The following RAB11FIP3 variants were observed in gnomAD, a reference collection of about 807,000 sequenced individuals.
RAB11FIP3 encodes the protein RAB11 family interacting protein 3.
In RAB11FIP3, 17 loss-of-function variants were observed where a neutral mutation model predicts 77.8. The observed-to-expected ratio is 0.22, with a 90% CI of 0.15 to 0.33. RAB11FIP3 has a LOEUF of 0.33. RAB11FIP3 is among the 10% of genes least tolerant of loss of function. The pLI, the probability that RAB11FIP3 is intolerant of heterozygous loss-of-function variation, is 1.00. For synonymous variants in RAB11FIP3, 437 were observed against 448.2 expected (o/e 0.98, Z 0.31); for missense variants, 1,005 against 1,011.2 (o/e 0.99, Z 0.08).
chr16:450,469 C>T (rs367817508), intron 1 of RAB11FIP3, among the ~76,000 whole-genome samples: 1 of 152,302 alleles, frequency 6.6e-6, no homozygotes. Flanking sequence ...TGTGACCCAC[C>T]ACGCCCAACC....
At chr16:491,358 C>CTCCTGGTCGCCTCG in intron 5 of RAB11FIP3, 1 of 1,216,616 alleles carries the variant, frequency 8.2e-7, no homozygotes, top group Non-Finnish European at 1.1e-6. Context: ...TGCCCCGAGG[C>CTCCTGGTCGCCTCG]GACCAGGAGC....
At position 447,348 on chromosome 16, in the gene RAB11FIP3, G is replaced by A. The variant is rs545764646; in HGVS notation, c.715-14056G>A. On this transcript the variant is annotated intron_variant, in intron 1 of 13. Transcript: ENST00000262305. ...GTCAGAGAGAGAGAGATGGCGTCTC[G>A]CTCTGTCACTCAGGCTGGAGTTCAG... Among the ~76,000 whole-genome samples, 22 of 152,068 alleles carry A rather than the reference G, an allele frequency of 1.4e-4. No individual in the cohort carries two copies. The South Asian group carries it at 3.1e-3, about 22-fold the overall frequency.
intron 6 of RAB11FIP3, 42 bp from the exon 7 acceptor site, chr16:502,962 G>A: frequency 6.7e-7 from 1 of 1,495,720 alleles, no homozygotes; most frequent in East Asian, 2.3e-5. Context: ...ATGTCCTGTG[G>A]TTTTTCCCTT....
chr16:518,440 G>A lies in RAB11FIP3; in HGVS notation c.1641-503G>A, dbSNP rs13332404. Among the ~76,000 whole-genome samples the A allele has an allele frequency of 3.7e-3, 569 of 152,174 alleles. 6 individuals are homozygous for A. Among genetic ancestry groups the A allele is most frequent in the African/African-American group, 0.013 (548 of 41,524 alleles). On this transcript the variant is annotated intron_variant, in intron 9 of 13. Transcript: ENST00000262305. The stretch of plus-strand genomic sequence containing the variant: ...CCCAAAGTATATTAAAAAAACCACC[G>A]TGGATGGCCGGCGGGGTGGCTCGCG...
intron 1 of RAB11FIP3, among the ~76,000 whole-genome samples, chr16:456,382 G>A (rs1028829733): frequency 9.2e-5 from 14 of 151,560 alleles, no homozygotes; most frequent in Admixed American, 6.6e-5. Flanking sequence ...AGAGGTTGCA[G>A]TGAGTTGAGA....
intron 1 of RAB11FIP3, among the ~76,000 whole-genome samples, chr16:441,747 A>G (rs1200253421): frequency 6.6e-6 from 1 of 152,214 alleles, no homozygotes; most frequent in Non-Finnish European, 1.5e-5. Flanking sequence ...TCTGTGACAT[A>G]ATAACAGCCT....
At chr16:512,639 G>A (rs530852383) in intron 9 of RAB11FIP3, among the ~76,000 whole-genome samples, 63 of 150,356 alleles carry the variant, frequency 4.2e-4, no homozygotes, top group African/African-American at 1.2e-3. Context: ...TGTCTCCTGC[G>A]TTCAAGCAAT....
chr16:469,649 C>T lies in RAB11FIP3; in HGVS notation c.809-1646C>T, dbSNP rs2141678266. Among the ~76,000 whole-genome samples, 2 of 152,252 alleles carry T rather than the reference C, an allele frequency of 1.3e-5. 1 individual carries two copies. The highest frequency in any genetic ancestry group is 4.1e-4 in the South Asian group (2 of 4,832). On this transcript the variant is annotated intron_variant, in intron 2 of 13. Coordinates refer to ENST00000262305, the MANE Select transcript of RAB11FIP3 (RefSeq NM_014700.4). ...AAGTGATCCGCCCGCCTCGGCCTCCCAAAGTGCTAGGATTACAGGCGTGAG... is the reference window on the plus strand; with the variant it reads ...AAGTGATCCGCCCGCCTCGGCCTCCTAAAGTGCTAGGATTACAGGCGTGAG...
intron 3 of RAB11FIP3, among the ~76,000 whole-genome samples, chr16:476,972 T>C (rs1254667196): frequency 4.0e-5 from 6 of 149,472 alleles, no homozygotes; most frequent in African/African-American, 1.2e-4. Flanking sequence ...GCCTGTAATC[T>C]CAGCTACTCA....
At chr16:509,774 C>T (rs1254276161) in intron 8 of RAB11FIP3, among the ~76,000 whole-genome samples, 1 of 152,220 alleles carries the variant, frequency 6.6e-6, no homozygotes, top group Non-Finnish European at 1.5e-5. Context: ...TGTGGCCCCT[C>T]ACAGCCTCTG....
At position 497,302 on chromosome 16, in the gene RAB11FIP3, A is replaced by T. The variant is rs751620179; in HGVS notation, c.1301+443A>T. ...TTCTTCATTTTCCAGCTTCGTATAGATCTGTTGGCTTCCTGCTGTGAAAGA... is the reference window on the plus strand; with the variant it reads ...TTCTTCATTTTCCAGCTTCGTATAGTTCTGTTGGCTTCCTGCTGTGAAAGA... On this transcript the variant is annotated intron_variant, in intron 6 of 13. Coordinates refer to ENST00000262305, the MANE Select transcript of RAB11FIP3 (RefSeq NM_014700.4). The T allele has an allele frequency of 2.3e-6, 3 of 1,304,250 alleles. No individual in the cohort carries two copies. The South Asian group carries it at 3.7e-5, about 16-fold the overall frequency. The allele number at this position is 1,304,250 out of a possible 1,614,324, so 80.8% of individuals were successfully genotyped here.
At chr16:482,869 C>CAGG in intron 4 of RAB11FIP3, 133 bp downstream of exon 4, 1 of 954,274 alleles carries the variant, frequency 1.0e-6, no homozygotes, top group Non-Finnish European at 1.5e-6. Flanking sequence ...GGGGCTTGGC[C>CAGG]CTGCAGTAGC....
At chr16:494,121 C>T (rs1280128732) in intron 5 of RAB11FIP3, among the ~76,000 whole-genome samples, 1 of 123,042 alleles carries the variant, frequency 8.1e-6, no homozygotes, top group African/African-American at 3.4e-5. Flanking sequence ...AATCTCCGGA[C>T]CTCGTGATCC....
At position 488,771 on chromosome 16, in the gene RAB11FIP3, T is replaced by G. The variant is rs538951900; in HGVS notation, c.1116-80T>G. 1.0e-4 allele frequency: 149 copies of G among 1,475,522 alleles called. No individual in the cohort carries two copies. In the African/African-American group the frequency reaches 2.0e-3, roughly 19 times the overall value. 91.4% of individuals were successfully genotyped at this position (1,475,522 alleles called of 1,614,324 possible). A position where few individuals can be genotyped will look rare whatever the true frequency, so the allele number is the denominator to read the frequency against. ...CACGTGTGGCTTGTAGCACACCCTA[T>G]GGAAAGCACCTTCCACACCCTCAGC... On this transcript the variant is annotated intron_variant, in intron 4 of 13. Transcript: ENST00000262305.
chr16:496,672 T>G, intron 5 of RAB11FIP3, 152 bp from the exon 6 acceptor site: 2 of 706,092 alleles, frequency 2.8e-6, no homozygotes, highest in East Asian at 2.9e-5. Flanking sequence ...TGAGTGAGCA[T>G]TTGTGCATGG....
chr16:470,017 T>C (rs2055782174), intron 2 of RAB11FIP3, among the ~76,000 whole-genome samples: 3 of 151,802 alleles, frequency 2.0e-5, no homozygotes, highest in South Asian at 2.1e-4. Flanking sequence ...TTTTTTGAGA[T>C]GGAGTCTTGC....
intron 5 of RAB11FIP3, among the ~76,000 whole-genome samples, chr16:492,403 A>T (rs2030484696): frequency 7.0e-6 from 1 of 142,148 alleles, no homozygotes; most frequent in African/African-American, 2.7e-5. Flanking sequence ...TCCCCGGGAG[A>T]CCCGAGGCCG....
chr16:500,715 A>T (rs1567399583), intron 6 of RAB11FIP3, among the ~76,000 whole-genome samples: 1 of 150,098 alleles, frequency 6.7e-6, no homozygotes, highest in Non-Finnish European at 1.5e-5. Context: ...AAAAAAAAAA[A>T]ATTAAATAAG....
At chr16:462,767 C>T (rs1031621704) in intron 2 of RAB11FIP3, among the ~76,000 whole-genome samples, 4 of 140,702 alleles carry the variant, frequency 2.8e-5, no homozygotes, top group Admixed American at 7.2e-5. Context: ...CATCCCTTCC[C>T]CAGCACCGTC....
Sources: gnomAD v4.1 joint callset for allele counts (sites outside exome capture counted in the v4.1 genomes callset) on GRCh38, gnomAD v4.1.1 for gene constraint, MANE v1.5 for transcripts, NCBI Gene and HGNC (gene_info 2026-07-23, HGNC 2026-07-21) for gene names.